The following PIGU variants were observed in gnomAD, a reference collection of about 807,000 sequenced individuals.
PIGU encodes phosphatidylinositol glycan anchor biosynthesis class U.
PIGU carries 24 observed loss-of-function variants against 49.9 expected under a neutral mutation model. The observed-to-expected ratio is 0.48, with a 90% confidence interval of 0.35 to 0.68. PIGU has a LOEUF of 0.68. PIGU is among the 30% of genes least tolerant of loss of function. The pLI is 0.01. For synonymous variants in PIGU, 220 were observed against 205.7 expected, an observed-to-expected ratio of 1.07 and a Z score of -0.59; for missense variants, 490 against 532.6, an observed-to-expected ratio of 0.92 and a Z score of 0.79.
At position 34,588,533 on chromosome 20, in the gene PIGU, C is replaced by T; in HGVS notation, c.702G>A (p.Val234=). 1 of 1,613,764 alleles carries T rather than the reference C, an allele frequency of 6.2e-7. No individual in the cohort carries two copies. The highest frequency in any genetic ancestry group is 8.5e-7 in the Non-Finnish European group (1 of 1,179,666). Residue 234 remains valine (V), a synonymous_variant, in exon 8 of 12, where the codon GTG becomes GTA. Transcript: ENST00000217446. ...GGCAAATGATTACCACTAGGCTTCC[C>T]ACATACATCATGGCATACTCCCAAG... ...IFSWEYAMMY[V]GSLVVIICLS...
intron 7 of PIGU, among the ~76,000 whole-genome samples, chr20:34,593,204 G>A (rs775619383): frequency 6.6e-6 from 1 of 152,050 alleles, no homozygotes; most frequent in Non-Finnish European, 1.5e-5. Context: ...GGGCATGGTG[G>A]CACATGTCTG....
rs1456836915 is a variant in PIGU, at chr20:34,659,322, G to A, written c.131-2078C>T. Among the ~76,000 whole-genome samples, 114 of 132,220 alleles carry A rather than the reference G, an allele frequency of 8.6e-4. 1 individual carries two copies. In the East Asian group the frequency reaches 0.014, roughly 16 times the overall value. The allele number at this position is 132,220 out of a possible 152,430, so 86.7% of individuals were successfully genotyped here. On this transcript the variant is annotated intron_variant, in intron 1 of 11. Coordinates refer to ENST00000217446, the MANE Select transcript of PIGU (RefSeq NM_080476.5). Reference sequence around the variant, plus strand: ...AGGTGGGGGGGTCAGCCCCCCGCCCGGCCAGCCGCCCCGTCCGGGAGGTGA... The same window carrying A: ...AGGTGGGGGGGTCAGCCCCCCGCCCAGCCAGCCGCCCCGTCCGGGAGGTGA...
chr20:34,666,959 A>G (rs1987124593), intron 1 of PIGU, among the ~76,000 whole-genome samples: 1 of 151,888 alleles, frequency 6.6e-6, no homozygotes. Flanking sequence ...CGGCCTCCCA[A>G]AGTGCTGGGA....
rs1244193383 is a variant in PIGU, at chr20:34,677,011, G to T, written c.75C>A (p.Ala25=). 2.2e-5 allele frequency: 35 copies of T among 1,584,122 alleles called. No homozygotes were observed. Among genetic ancestry groups the T allele is most frequent in the Non-Finnish European group, 3.0e-5 (35 of 1,165,962 alleles). The change falls in exon 1 of 12, where the codon GCC becomes GCA. Residue 25 remains alanine (A), a synonymous_variant. Coordinates refer to ENST00000217446, the MANE Select transcript of PIGU (RefSeq NM_080476.5). ...CCTCCACCCGCTCGGAAATGAACTCGGCCAGACTGGAGCGGAACAAGGCCG... is the reference window on the plus strand; with the variant it reads ...CCTCCACCCGCTCGGAAATGAACTCTGCCAGACTGGAGCGGAACAAGGCCG... ...VRAALFRSSL[A]EFISERVEVV... is the part of the protein sequence containing the mutation.
intron 10 of PIGU, among the ~76,000 whole-genome samples, chr20:34,575,588 T>C (rs1177232840): frequency 1.3e-5 from 2 of 151,920 alleles, no homozygotes; most frequent in Admixed American, 1.3e-4. Context: ...TCTTGGAGGG[T>C]CCAAGAGTAT....
intron 9 of PIGU, 68 bp downstream of exon 9, chr20:34,585,369 A>C: frequency 6.5e-7 from 1 of 1,528,430 alleles, no homozygotes; most frequent in Non-Finnish European, 8.9e-7. Flanking sequence ...GCCACCCTCA[A>C]GGCTACTAGA....
rs183333178 is a variant in PIGU at position 34,625,583 on chromosome 20, A to T, written c.529+9032T>A. Among the ~76,000 whole-genome samples the T allele has an allele frequency of 1.6e-3, 246 of 151,898 alleles. 2 individuals are homozygous for T. Among genetic ancestry groups the T allele is most frequent in the African/African-American group, 5.5e-3 (230 of 41,444 alleles). ...CACTTTGGAAGGCTGAGGCAGGTGGATTGCTTGAGGCTTAGAGTTCAAGAC... is the reference window on the plus strand; with the variant it reads ...CACTTTGGAAGGCTGAGGCAGGTGGTTTGCTTGAGGCTTAGAGTTCAAGAC... On this transcript the variant is annotated intron_variant, in intron 6 of 11. Transcript: ENST00000217446.
rs1985907941 is a variant in PIGU at position 34,634,813 on chromosome 20, C to A, written c.429-98G>T. The stretch of plus-strand genomic sequence containing the variant: ...CCAAGAGATTTATTAAAAGCTTACG[C>A]AAAGGAAGGCAGCTTCTCAGAAATG... On this transcript the variant is annotated intron_variant, in intron 5 of 11. Coordinates refer to ENST00000217446, the MANE Select transcript of PIGU (RefSeq NM_080476.5). The A allele has an allele frequency of 5.5e-5, 82 of 1,485,942 alleles. No individual in the cohort carries two copies. The South Asian group carries it at 1.0e-3, about 18-fold the overall frequency. The allele number at this position is 1,485,942 out of a possible 1,614,324, so 92.0% of individuals were successfully genotyped here.
intron 1 of PIGU, among the ~76,000 whole-genome samples, chr20:34,657,743 G>A (rs991818077): frequency 7.2e-5 from 11 of 151,954 alleles, no homozygotes; most frequent in Non-Finnish European, 1.5e-4. Flanking sequence ...TTTATCCTAT[G>A]GAAATAACCT....
chr20:34,602,625 G>A (rs532342293), intron 7 of PIGU, among the ~76,000 whole-genome samples: 1 of 152,212 alleles, frequency 6.6e-6, no homozygotes, highest in South Asian at 2.1e-4. Context: ...TAAAATGTAT[G>A]TATGTATGTA....
At chr20:34,660,690 T>A (rs1986903873) in intron 1 of PIGU, among the ~76,000 whole-genome samples, 1 of 152,302 alleles carries the variant, frequency 6.6e-6, no homozygotes, top group Non-Finnish European at 1.5e-5. Context: ...TTAAAAATAT[T>A]AAGCCTATGT....
chr20:34,578,490 G>T (rs1983327507), intron 10 of PIGU, among the ~76,000 whole-genome samples: 2 of 152,188 alleles, frequency 1.3e-5, no homozygotes. Flanking sequence ...TAAAATGTTT[G>T]CAGCCTGCCA....
intron 1 of PIGU, among the ~76,000 whole-genome samples, chr20:34,676,631 A>T (rs796972039): frequency 5.3e-5 from 8 of 151,964 alleles, no homozygotes; most frequent in African/African-American, 1.9e-4. Context: ...CTCCACAAGC[A>T]CCTCCTCCTC....
intron 4 of PIGU, 27 bp from the exon 5 acceptor site, chr20:34,638,012 T>TAA: frequency 1.9e-6 from 3 of 1,560,010 alleles, no homozygotes; most frequent in Non-Finnish European, 2.6e-6. Flanking sequence ...AAGGAAAAGA[T>TAA]AAAACACATG....
rs147846757 is a variant in PIGU, at chr20:34,617,171, G to A, written c.530-1032C>T. Among the ~76,000 whole-genome samples, 902 of 152,330 alleles carry A rather than the reference G, an allele frequency of 5.9e-3. 5 individuals carry two copies. Among genetic ancestry groups the A allele is most frequent in the African/African-American group, 0.015 (644 of 41,572 alleles). On this transcript the variant is annotated intron_variant, in intron 6 of 11. Transcript: ENST00000217446. The stretch of plus-strand genomic sequence containing the variant: ...CAATGCGGAAGCGAAATGTGGGGTC[G>A]GAGCCCCCACACAGAGTCCCTACTG...
At chr20:34,661,313 G>C (rs1273601165) in intron 1 of PIGU, among the ~76,000 whole-genome samples, 2 of 152,060 alleles carry the variant, frequency 1.3e-5, no homozygotes, top group African/African-American at 4.8e-5. Flanking sequence ...CATCACCCAG[G>C]TAATAAGCAC....
At chr20:34,586,162 A>G (rs552336650) in intron 8 of PIGU, among the ~76,000 whole-genome samples, 1 of 152,340 alleles carries the variant, frequency 6.6e-6, no homozygotes, top group South Asian at 2.1e-4. Context: ...GTCCAATTAA[A>G]TCAGACAAAT....
intron 7 of PIGU, among the ~76,000 whole-genome samples, chr20:34,607,935 C>A (rs964649491): frequency 2.6e-5 from 4 of 151,938 alleles, no homozygotes; most frequent in African/African-American, 9.7e-5. Flanking sequence ...TTTTAAAAGG[C>A]AGAGTAATTG....
chr20:34,659,074 G>A, intron 1 of PIGU, among the ~76,000 whole-genome samples: 1 of 143,970 alleles, frequency 6.9e-6, no homozygotes. Flanking sequence ...CGGGAGGGAG[G>A]TGGGGGGGTC....
Sources: gnomAD v4.1 joint callset for allele counts (sites outside exome capture counted in the v4.1 genomes callset) on GRCh38, gnomAD v4.1.1 for gene constraint, MANE v1.5 for transcripts, NCBI Gene and HGNC (gene_info 2026-07-23, HGNC 2026-07-21) for gene names.